TBC1D1: variants seen among roughly 807,000 people sequenced by gnomAD.
TBC1D1 encodes TBC1 domain family member 1.
TBC1D1 carries 89 observed loss-of-function variants against 125.6 expected under a neutral mutation model. The ratio of observed to expected loss-of-function variants is 0.71; its 90% CI spans 0.60 to 0.85. The LOEUF is 0.85. Among genes scored for constraint, TBC1D1 ranks in the 40% least tolerant of loss-of-function variants. The pLI is 0.00. For synonymous variants in TBC1D1, 565 were observed against 564.1 expected, an observed-to-expected ratio of 1.00 and a Z score of -0.02; for missense variants, 1,377 against 1,469.2, an observed-to-expected ratio of 0.94 and a Z score of 1.03.
chr4:38,038,895 G>A (rs1210437744), intron 8 of TBC1D1, among the ~76,000 whole-genome samples: 2 of 150,642 alleles, frequency 1.3e-5, no homozygotes, highest in African/African-American at 4.9e-5. Flanking sequence ...GCAGTGAGCC[G>A]AGGTCGCACC....
intron 12 of TBC1D1, among the ~76,000 whole-genome samples, chr4:38,088,229 T>C (rs928841832): frequency 6.6e-6 from 1 of 152,134 alleles, no homozygotes; most frequent in Non-Finnish European, 1.5e-5. Flanking sequence ...AAGGATTCAA[T>C]TGAACTGCAT....
intron 2 of TBC1D1, among the ~76,000 whole-genome samples, chr4:37,954,280 T>C (rs185281810): frequency 2.0e-5 from 3 of 152,260 alleles, no homozygotes; most frequent in Admixed American, 1.3e-4. Context: ...CATGTTGACT[T>C]TTTTTTCTCT....
intron 2 of TBC1D1, among the ~76,000 whole-genome samples, chr4:37,926,790 A>G (rs1444740246): frequency 6.6e-6 from 1 of 152,198 alleles, no homozygotes; most frequent in Non-Finnish European, 1.5e-5. Flanking sequence ...AGCTGGATTT[A>G]TTGGTGGTAG....
At chr4:38,108,194 G>T (rs182264952) in intron 15 of TBC1D1, among the ~76,000 whole-genome samples, 23 of 152,252 alleles carry the variant, frequency 1.5e-4, no homozygotes, top group African/African-American at 4.6e-4. Context: ...TCCTGACCAC[G>T]CTGGGGGCTG....
intron 3 of TBC1D1, among the ~76,000 whole-genome samples, chr4:38,016,452 C>T (rs1000057466): frequency 2.6e-5 from 4 of 152,196 alleles, no homozygotes; most frequent in African/African-American, 7.2e-5. Context: ...TCCTTTAGGT[C>T]TCTGCTGAAA....
chr4:37,914,064 C>T (rs986729504), intron 2 of TBC1D1, among the ~76,000 whole-genome samples: 7 of 152,184 alleles, frequency 4.6e-5, no homozygotes, highest in African/African-American at 1.7e-4. Flanking sequence ...GCTTCTACCT[C>T]TTCTTCTCAA....
chr4:38,037,819 CAG>C (rs1747514873), intron 8 of TBC1D1, among the ~76,000 whole-genome samples: 1 of 152,140 alleles, frequency 6.6e-6, no homozygotes, highest in Non-Finnish European at 1.5e-5. Context: ...GGAGAACTGT[CAG>C]AGGAGTTGTG....
intron 2 of TBC1D1, among the ~76,000 whole-genome samples, chr4:37,997,899 A>G (rs1738169482): frequency 6.6e-6 from 1 of 151,942 alleles, no homozygotes; most frequent in Non-Finnish European, 1.5e-5. Context: ...CACAGTTCCC[A>G]CTTTTTGTTC....
chr4:38,032,409 A>G (rs1408601829), intron 7 of TBC1D1, among the ~76,000 whole-genome samples: 1 of 152,214 alleles, frequency 6.6e-6, no homozygotes, highest in African/African-American at 2.4e-5. Context: ...GACTTCTGAC[A>G]TCATAGTTTA....
intron 19 of TBC1D1, among the ~76,000 whole-genome samples, chr4:38,135,041 T>G (rs981327598): frequency 3.3e-5 from 5 of 152,096 alleles, no homozygotes; most frequent in Non-Finnish European, 7.4e-5. Flanking sequence ...TGGATATAGT[T>G]TTTCCATGAT....
At chr4:38,087,418 C>T (rs574615238) in intron 12 of TBC1D1, among the ~76,000 whole-genome samples, 72 of 152,120 alleles carry the variant, frequency 4.7e-4, no homozygotes, top group African/African-American at 1.7e-3. Flanking sequence ...ATTGTGATTC[C>T]GAATTTGAAA....
At chr4:37,932,689 T>G (rs935075842) in intron 2 of TBC1D1, among the ~76,000 whole-genome samples, 2 of 152,214 alleles carry the variant, frequency 1.3e-5, no homozygotes, top group Non-Finnish European at 2.9e-5. Context: ...AAGCTGGGAC[T>G]AGAACCCAGT....
At position 37,929,465 on chromosome 4, in the gene TBC1D1, A is replaced by C. The variant is rs535378853; in HGVS notation, c.417+26953A>C. On this transcript the variant is annotated intron_variant, in intron 2 of 19. Coordinates refer to ENST00000261439, the MANE Select transcript of TBC1D1 (RefSeq NM_015173.4). The stretch of plus-strand genomic sequence containing the variant: ...TTAAGAATGCAAGTTCCTTAACCCC[A>C]CCCTCGGACCCCTGGCACCTATATT... Among the ~76,000 whole-genome samples the C allele has an allele frequency of 1.1e-4, 17 of 152,236 alleles. No homozygotes were observed. The South Asian group carries it at 3.5e-3, about 32-fold the overall frequency.
intron 12 of TBC1D1, among the ~76,000 whole-genome samples, chr4:38,074,943 T>G (rs904804836): frequency 6.6e-6 from 1 of 152,136 alleles, no homozygotes; most frequent in Non-Finnish European, 1.5e-5. Flanking sequence ...GTATTTTTAG[T>G]AGAGACAGGG....
intron 15 of TBC1D1, among the ~76,000 whole-genome samples, chr4:38,105,182 C>G (rs1761092376): frequency 6.6e-6 from 1 of 152,160 alleles, no homozygotes; most frequent in African/African-American, 2.4e-5. Flanking sequence ...ACACTCTCCC[C>G]ATGGTGCGTA....
chr4:37,995,580 G>T lies in TBC1D1; in HGVS notation c.418-18929G>T. The T allele has an allele frequency of 2.2e-6, 1 of 446,070 alleles. No individual in the cohort carries two copies. Among genetic ancestry groups the T allele is most frequent in the Non-Finnish European group, 4.4e-6 (1 of 228,200 alleles). 27.6% of individuals were successfully genotyped at this position (446,070 alleles called of 1,614,324 possible). A position where few individuals can be genotyped will look rare whatever the true frequency, so the allele number is the denominator to read the frequency against. Reference sequence around the variant, plus strand: ...TGATATGATAAAGCTCAGCACAGAAGGCCTTCAGGTCCAGTACCCTGGCCT... The same window carrying T: ...TGATATGATAAAGCTCAGCACAGAATGCCTTCAGGTCCAGTACCCTGGCCT... On this transcript the variant is annotated intron_variant, in intron 2 of 19. Coordinates refer to ENST00000261439, the MANE Select transcript of TBC1D1 (RefSeq NM_015173.4). This position sits in a 1 kb window ranked among gnomAD's most constrained non-coding sequence, Gnocchi z 4.3.
chr4:37,901,606 C>T lies in TBC1D1; in HGVS notation c.-93-397C>T, dbSNP rs554879616. On this transcript the variant is annotated intron_variant, in intron 1 of 19. Coordinates refer to ENST00000261439, the MANE Select transcript of TBC1D1 (RefSeq NM_015173.4). ...GGAAGGTGGATTTGTGATTCAGAAC[C>T]TCTAGACTACCTGGGCGAGTCTTTT... 4.3e-5 allele frequency among the ~76,000 whole-genome samples: 3 copies of T among 70,442 alleles called. No homozygotes were observed. In the South Asian group the frequency reaches 1.4e-3, roughly 32 times the overall value. 46.2% of individuals were successfully genotyped at this position (70,442 alleles called of 152,430 possible).
At chr4:37,938,234 C>T (rs1048660474) in intron 2 of TBC1D1, among the ~76,000 whole-genome samples, 1 of 152,024 alleles carries the variant, frequency 6.6e-6, no homozygotes, top group Admixed American at 6.6e-5. Context: ...ATTATATGTA[C>T]GTACCTATAA....
intron 19 of TBC1D1, among the ~76,000 whole-genome samples, chr4:38,134,780 G>C (rs774059768): frequency 1.3e-5 from 2 of 152,232 alleles, no homozygotes; most frequent in Non-Finnish European, 2.9e-5. Flanking sequence ...AAACTGCTTA[G>C]CTACCTACAT....
Sources: gnomAD v4.1 joint callset for allele counts (sites outside exome capture counted in the v4.1 genomes callset) on GRCh38, gnomAD v4.1.1 for gene constraint, Gnocchi (gnomAD v3.1) non-coding constraint, MANE v1.5 for transcripts, NCBI Gene and HGNC (gene_info 2026-07-23, HGNC 2026-07-21) for gene names.